The following CACNB4 variants were observed in gnomAD, a reference collection of about 807,000 sequenced individuals.
The protein encoded by CACNB4 is voltage-dependent L-type calcium channel subunit beta-4.
CACNB4 carries 32 observed loss-of-function variants against 71.2 expected under a neutral mutation model. The ratio of observed to expected loss-of-function variants is 0.45; its 90% CI spans 0.34 to 0.60. The LOEUF (loss-of-function observed/expected upper bound fraction) is 0.60, where lower values mean the gene tolerates loss of function less well. CACNB4 is among the 20% of genes least tolerant of loss of function. The pLI is 0.01. For synonymous variants in CACNB4, 231 were observed against 236.9 expected (o/e 0.97, Z 0.23); for missense variants, 464 against 647.9 (o/e 0.72, Z 3.08).
intron 13 of CACNB4, 80 bp from the exon 14 acceptor site, chr2:151,839,459 G>C: frequency 9.0e-7 from 1 of 1,115,272 alleles, no homozygotes; most frequent in Non-Finnish European, 1.3e-6. Flanking sequence ...AAAATCATAG[G>C]ATCTGTACAA....
At chr2:151,988,043 CTTTT>C (rs1293940207) in intron 2 of CACNB4, among the ~76,000 whole-genome samples, 2 of 152,100 alleles carry the variant, frequency 1.3e-5, no homozygotes, top group African/African-American at 4.8e-5. Flanking sequence ...AACTGAAATA[CTTTT>C]TTTAAGATCT....
intron 2 of CACNB4, among the ~76,000 whole-genome samples, chr2:151,933,151 T>C (rs939657374): frequency 2.0e-5 from 3 of 150,234 alleles, no homozygotes; most frequent in Non-Finnish European, 4.4e-5. Flanking sequence ...GGTGCAAAAG[T>C]AATTGTGGTT....
At chr2:152,090,081 G>A (rs1687887850) in intron 2 of CACNB4, among the ~76,000 whole-genome samples, 1 of 152,166 alleles carries the variant, frequency 6.6e-6, no homozygotes, top group Non-Finnish European at 1.5e-5. Flanking sequence ...TCAGAAATGA[G>A]ACCAAAAATG....
chr2:151,979,672 C>T (rs1191810198), intron 2 of CACNB4, among the ~76,000 whole-genome samples: 1 of 152,152 alleles, frequency 6.6e-6, no homozygotes. Flanking sequence ...GACTGGTCCA[C>T]ACTACTGGAG....
intron 2 of CACNB4, among the ~76,000 whole-genome samples, chr2:151,900,703 A>T (rs137934776): frequency 6.6e-6 from 1 of 152,182 alleles, no homozygotes; most frequent in Admixed American, 6.5e-5. Flanking sequence ...CACTGGGAAG[A>T]TCTGCCTGAA....
At chr2:151,919,360 G>A (rs556007993) in intron 2 of CACNB4, among the ~76,000 whole-genome samples, 10 of 152,276 alleles carry the variant, frequency 6.6e-5, no homozygotes, top group Non-Finnish European at 1.5e-4. Flanking sequence ...GCCTCCCAAA[G>A]TGTTGGGATT....
chr2:152,039,717 A>C (rs1414115027), intron 2 of CACNB4, among the ~76,000 whole-genome samples: 4 of 152,254 alleles, frequency 2.6e-5, no homozygotes, highest in African/African-American at 9.6e-5. Context: ...GGGACCAAGC[A>C]CTGATCACAG....
intron 2 of CACNB4, among the ~76,000 whole-genome samples, chr2:152,001,891 AT>A (rs1187493553): frequency 6.6e-6 from 1 of 152,188 alleles, no homozygotes; most frequent in African/African-American, 2.4e-5. Context: ...CATCAGGAGG[AT>A]GCCAATGCAA....
chr2:151,923,274 G>A (rs963281903), intron 2 of CACNB4, among the ~76,000 whole-genome samples: 5 of 152,204 alleles, frequency 3.3e-5, no homozygotes, highest in Non-Finnish European at 4.4e-5. Context: ...AAACTCCAGA[G>A]GACTCCACTA....
At chr2:152,010,242 C>A (rs1682980007) in intron 2 of CACNB4, among the ~76,000 whole-genome samples, 1 of 152,194 alleles carries the variant, frequency 6.6e-6, no homozygotes, top group Admixed American at 6.5e-5. Flanking sequence ...TCAATCTGCA[C>A]TAAAACAGGT....
At chr2:151,872,589 A>G (rs2099844920) in intron 5 of CACNB4, 96 bp from the exon 6 acceptor site, 1 of 696,008 alleles carries the variant, frequency 1.4e-6, no homozygotes, top group South Asian at 1.7e-5. Context: ...ATCCTATTAA[A>G]TAATTCAAAA....
At chr2:152,040,318 A>G (rs766226662) in intron 2 of CACNB4, among the ~76,000 whole-genome samples, 27 of 152,238 alleles carry the variant, frequency 1.8e-4, no homozygotes, top group Non-Finnish European at 3.7e-4. Flanking sequence ...TCTATCATTA[A>G]ATCTGGCTCA....
chr2:151,904,012 A>G (rs547956550), intron 2 of CACNB4, among the ~76,000 whole-genome samples: 62 of 152,290 alleles, frequency 4.1e-4, no homozygotes, highest in Admixed American at 2.6e-4. Context: ...AAAAAGAAGG[A>G]TGGGACTCAT....
chr2:152,081,211 A>C (rs1687338445), intron 2 of CACNB4, among the ~76,000 whole-genome samples: 1 of 152,216 alleles, frequency 6.6e-6, no homozygotes, highest in African/African-American at 2.4e-5. Context: ...TACTGACTAG[A>C]AGGATGAGAA....
intron 2 of CACNB4, among the ~76,000 whole-genome samples, chr2:152,021,068 T>A (rs1306238863): frequency 1.3e-5 from 2 of 152,070 alleles, no homozygotes; most frequent in Non-Finnish European, 2.9e-5. Context: ...CTGGCCAACG[T>A]GGTGAAACCC....
intron 2 of CACNB4, among the ~76,000 whole-genome samples, chr2:151,920,973 C>T (rs1229214866): frequency 6.6e-6 from 1 of 151,860 alleles, no homozygotes; most frequent in African/African-American, 2.4e-5. Flanking sequence ...CCCGTCTCTA[C>T]TAAAAATACA....
chr2:151,903,923 T>C (rs1032796843), intron 2 of CACNB4, among the ~76,000 whole-genome samples: 7 of 152,204 alleles, frequency 4.6e-5, no homozygotes, highest in Admixed American at 6.5e-5. Context: ...TTTTTCATCT[T>C]TGTGTCCCCA....
At chr2:151,861,037 A>T in intron 9 of CACNB4, 1 of 520,996 alleles carries the variant, frequency 1.9e-6, no homozygotes, top group Non-Finnish European at 3.4e-6. Context: ...CACACAAAAA[A>T]ACCTACTCCA....
At chr2:151,851,200 C>T (rs1293276075) in intron 12 of CACNB4, 1 of 152,206 alleles carries the variant, frequency 6.6e-6, no homozygotes, top group Non-Finnish European at 1.5e-5. Flanking sequence ...AATGCAGACA[C>T]ATTTTAAGGT....
Sources: allele counts gnomAD v4.1 joint callset (sites outside exome capture counted in the v4.1 genomes callset), GRCh38; gene constraint gnomAD v4.1.1; transcripts MANE v1.5; gene names NCBI Gene and HGNC (gene_info 2026-07-23, HGNC 2026-07-21).